HS3ST4: variants seen among roughly 807,000 people sequenced by gnomAD.
HS3ST4 encodes the protein heparan sulfate glucosamine 3-O-sulfotransferase 4.
HS3ST4 carries 17 observed loss-of-function variants against 29.2 expected under a neutral mutation model. The ratio of observed to expected loss-of-function variants is 0.58; its 90% confidence interval spans 0.40 to 0.87. The LOEUF (loss-of-function observed/expected upper bound fraction) is 0.87. Ranked by LOEUF, HS3ST4 falls within the 40% of genes least tolerant of loss-of-function variation. The probability of loss-of-function intolerance (pLI) is 0.00; values close to 1 mark genes in which losing one functional copy is unlikely to be tolerated. For missense variants in HS3ST4, 627 were observed against 634.5 expected (o/e 0.99, Z 0.13); for synonymous variants, 314 against 285.7 (o/e 1.10, Z -1.00).
At chr16:25,855,660 G>A (rs900474009) in intron 1 of HS3ST4, among the ~76,000 whole-genome samples, 2 of 152,100 alleles carry the variant, frequency 1.3e-5, no homozygotes, top group Non-Finnish European at 1.5e-5. Context: ...AACAAGTTAT[G>A]TCTGACCTCC....
In HS3ST4 at chr16:25,692,647, C is replaced by G. The variant is rs989773617; in HGVS notation, c.230C>G (p.Pro77Arg). Residue 77 changes from proline (P) to arginine (R), a missense_variant, in exon 1 of 2, where the codon CCG becomes CGG. By Grantham distance (103) the Pro-to-Arg change is moderately radical. This residue lies in a region of HS3ST4 where 402 missense variants were observed against 340.8 expected (regional missense o/e 1.18). Transcript: ENST00000331351. The part of the protein sequence containing the change: ...ESPGAAAEPP[P>R]SPPPPSLLPT... ...CCGGGCGCCGCCGCCGAGCCCCCGCCGAGCCCGCCGCCACCCTCTCTGCTG... is the reference window on the plus strand; with the variant it reads ...CCGGGCGCCGCCGCCGAGCCCCCGCGGAGCCCGCCGCCACCCTCTCTGCTG... 7 of 1,360,812 alleles carry G rather than the reference C, an allele frequency of 5.1e-6. No homozygotes were observed. The African/African-American group carries it at 7.6e-5, about 15-fold the overall frequency. 84.3% of individuals were successfully genotyped at this position (1,360,812 alleles called of 1,614,324 possible).
At chr16:25,948,644 G>A (rs1968653960) in intron 1 of HS3ST4, among the ~76,000 whole-genome samples, 1 of 152,106 alleles carries the variant, frequency 6.6e-6, no homozygotes, top group African/African-American at 2.4e-5. Flanking sequence ...TTTAGGTATG[G>A]TGTAAAACTC....
At chr16:25,709,189 T>G (rs1966399101) in intron 1 of HS3ST4, among the ~76,000 whole-genome samples, 1 of 152,116 alleles carries the variant, frequency 6.6e-6, no homozygotes, top group Non-Finnish European at 1.5e-5. Flanking sequence ...TCTCAAAACT[T>G]CTCTCCTTGT....
At chr16:25,777,500 G>T (rs527640009) in intron 1 of HS3ST4, among the ~76,000 whole-genome samples, 5 of 152,034 alleles carry the variant, frequency 3.3e-5, no homozygotes, top group Non-Finnish European at 5.9e-5. Flanking sequence ...TGGGCGCGGT[G>T]GCTCGCGCCT....
chr16:25,766,087 G>A (rs1966817462), intron 1 of HS3ST4, among the ~76,000 whole-genome samples: 1 of 151,918 alleles, frequency 6.6e-6, no homozygotes, highest in Admixed American at 6.6e-5. Flanking sequence ...GGACATCTCT[G>A]GACTTGTGTC....
intron 1 of HS3ST4, among the ~76,000 whole-genome samples, chr16:25,836,002 G>T (rs1296451568): frequency 6.6e-6 from 1 of 152,110 alleles, no homozygotes; most frequent in Admixed American, 6.5e-5. Flanking sequence ...AGGGCTGGGT[G>T]GCGGAAATCA....
intron 1 of HS3ST4, among the ~76,000 whole-genome samples, chr16:25,908,040 G>C (rs1427354604): frequency 6.6e-6 from 1 of 152,206 alleles, no homozygotes; most frequent in Non-Finnish European, 1.5e-5. Flanking sequence ...CGGAACAGAT[G>C]TGTGTTTGTG....
intron 1 of HS3ST4, among the ~76,000 whole-genome samples, chr16:25,922,049 C>T (rs1296430834): frequency 6.6e-6 from 1 of 152,188 alleles, no homozygotes; most frequent in Non-Finnish European, 1.5e-5. Context: ...GCCATGGTGC[C>T]TGGTGTCTTC....
chr16:25,769,653 T>C (rs1966839510), intron 1 of HS3ST4, among the ~76,000 whole-genome samples: 1 of 152,226 alleles, frequency 6.6e-6, no homozygotes, highest in South Asian at 2.1e-4. Flanking sequence ...CTTGACTTTC[T>C]ATTGATTTTT....
chr16:25,771,457 A>C, intron 1 of HS3ST4, among the ~76,000 whole-genome samples: 1 of 151,990 alleles, frequency 6.6e-6, no homozygotes, highest in South Asian at 2.1e-4. Flanking sequence ...TTCCTACCCC[A>C]GGGCCTTTGC....
chr16:25,832,234 C>T (rs1967311336), intron 1 of HS3ST4, among the ~76,000 whole-genome samples: 1 of 152,150 alleles, frequency 6.6e-6, no homozygotes, highest in Non-Finnish European at 1.5e-5. Flanking sequence ...GGGGCTGATT[C>T]TCATCTAAAA....
intron 1 of HS3ST4, among the ~76,000 whole-genome samples, chr16:25,870,561 T>C (rs951097335): frequency 7.2e-5 from 11 of 152,262 alleles, no homozygotes; most frequent in African/African-American, 2.6e-4. Flanking sequence ...GTAGCTAATG[T>C]AGACATAGTG....
At chr16:25,926,622 C>T in intron 1 of HS3ST4, among the ~76,000 whole-genome samples, 1 of 152,338 alleles carries the variant, frequency 6.6e-6, no homozygotes, top group Non-Finnish European at 1.5e-5. Flanking sequence ...ACCTCACGAT[C>T]CTTATTTAAC....
intron 1 of HS3ST4, among the ~76,000 whole-genome samples, chr16:26,002,040 C>G (rs1304394347): frequency 1.3e-5 from 2 of 152,044 alleles, no homozygotes; most frequent in Non-Finnish European, 2.9e-5. Context: ...ATGATAATGC[C>G]TTCTGTGAAA....
chr16:26,103,959 C>G (rs1465792989), intron 1 of HS3ST4, among the ~76,000 whole-genome samples: 1 of 152,108 alleles, frequency 6.6e-6, no homozygotes, highest in Non-Finnish European at 1.5e-5. Context: ...ACACGAAATA[C>G]AAAGTTAAAT....
intron 1 of HS3ST4, among the ~76,000 whole-genome samples, chr16:25,903,271 T>C (rs1258832173): frequency 2.7e-5 from 2 of 75,130 alleles, no homozygotes; most frequent in African/African-American, 5.3e-5. Flanking sequence ...ATGAAGAATA[T>C]ACGTGTGTGT....
chr16:25,913,663 G>C (rs573254314), intron 1 of HS3ST4, among the ~76,000 whole-genome samples: 1 of 152,194 alleles, frequency 6.6e-6, no homozygotes, highest in Admixed American at 6.5e-5. Flanking sequence ...GAAAGGAAGG[G>C]TTACTAGGTT....
intron 1 of HS3ST4, among the ~76,000 whole-genome samples, chr16:26,037,994 C>A (rs1026258991): frequency 7.9e-5 from 12 of 152,270 alleles, no homozygotes; most frequent in African/African-American, 2.9e-4. Context: ...TCCAATGACT[C>A]CCCCTGTCTC....
chr16:25,770,986 T>C (rs570961674), intron 1 of HS3ST4, among the ~76,000 whole-genome samples: 1 of 147,874 alleles, frequency 6.8e-6, no homozygotes, highest in South Asian at 2.2e-4. Flanking sequence ...CAGCCAGGAT[T>C]TTTTTTTTTA....
Sources: gnomAD v4.1 joint callset for allele counts (sites outside exome capture counted in the v4.1 genomes callset) on GRCh38, gnomAD v4.1.1 for gene constraint, gnomAD v4.1.1 regional missense constraint, MANE v1.5 for transcripts, NCBI Gene and HGNC (gene_info 2026-07-23, HGNC 2026-07-21) for gene names.